MAGI2: variants seen among roughly 807,000 people sequenced by gnomAD.
MAGI2 encodes membrane associated guanylate kinase, WW and PDZ domain containing 2, also known as membrane-associated guanylate kinase, WW and PDZ domain-containing protein 2.
In MAGI2, 35 loss-of-function variants were observed where a neutral mutation model predicts 133.3. That is an observed-to-expected ratio of 0.26 (90% CI 0.20 to 0.35). The LOEUF (loss-of-function observed/expected upper bound fraction) is 0.35. Ranked by LOEUF, MAGI2 falls within the 10% of genes least tolerant of loss-of-function variation. MAGI2 has a pLI of 1.00. For missense variants in MAGI2, 1,636 were observed against 1,863.4 expected (o/e 0.88, Z 2.25); for synonymous variants, 729 against 710.6 (o/e 1.03, Z -0.41).
In MAGI2 at chr7:78,966,835, C is replaced by CT. The variant is rs34597215; in HGVS notation, c.418+40254dup. Among the ~76,000 whole-genome samples, 307 of 129,046 alleles carry CT rather than the reference C, an allele frequency of 2.4e-3. 2 individuals carry two copies. The highest frequency in any genetic ancestry group is 5.2e-3 in the East Asian group (23 of 4,400). 84.7% of individuals were successfully genotyped at this position (129,046 alleles called of 152,430 possible). ...TTTCTCCAGATCTTTGCCTACACGT[C>CT]TTTTTTTTTTTTTTTTTTTAGATAA... On this transcript the variant is annotated intron_variant, in intron 2 of 21. Transcript: ENST00000354212.
chr7:78,419,579 T>C (rs988294659), intron 6 of MAGI2, among the ~76,000 whole-genome samples: 4 of 143,472 alleles, frequency 2.8e-5, no homozygotes, highest in Non-Finnish European at 6.0e-5. Flanking sequence ...TCCCTGAGAC[T>C]GAGTCTGGGA....
chr7:78,784,826 T>C (rs1325633973), intron 2 of MAGI2, among the ~76,000 whole-genome samples: 2 of 152,266 alleles, frequency 1.3e-5, no homozygotes, highest in Non-Finnish European at 2.9e-5. Flanking sequence ...TCTGTTATGC[T>C]TTTCTCTTGT....
intron 1 of MAGI2, among the ~76,000 whole-genome samples, chr7:79,090,833 G>A (rs965237114): frequency 1.3e-5 from 2 of 152,088 alleles, no homozygotes; most frequent in African/African-American, 4.8e-5. Flanking sequence ...AAATTGTATT[G>A]AAGGTGAATT....
intron 4 of MAGI2, among the ~76,000 whole-genome samples, chr7:78,511,662 T>G (rs1795593253): frequency 6.7e-6 from 1 of 149,984 alleles, no homozygotes; most frequent in Non-Finnish European, 1.5e-5. Flanking sequence ...GCTCTAGCCA[T>G]CAAGTTAGCA....
intron 21 of MAGI2, among the ~76,000 whole-genome samples, chr7:78,054,558 G>A (rs1244774867): frequency 2.0e-5 from 3 of 150,132 alleles, no homozygotes; most frequent in Admixed American, 6.6e-5. Context: ...CTTATGTAAC[G>A]ATTATTTAAG....
intron 1 of MAGI2, among the ~76,000 whole-genome samples, chr7:79,336,037 C>T (rs143709475): frequency 6.6e-6 from 1 of 152,080 alleles, no homozygotes; most frequent in East Asian, 1.9e-4. Context: ...AATGAGTCTC[C>T]AAATCATTTA....
chr7:79,402,924 G>A (rs1293577758), intron 1 of MAGI2, among the ~76,000 whole-genome samples: 3 of 152,156 alleles, frequency 2.0e-5, no homozygotes, highest in Admixed American at 1.3e-4. Flanking sequence ...CCAGGCTACT[G>A]TGTGACCTTA....
intron 2 of MAGI2, among the ~76,000 whole-genome samples, chr7:78,711,194 ACATT>A (rs1415285432): frequency 6.6e-6 from 1 of 152,170 alleles, no homozygotes; most frequent in Non-Finnish European, 1.5e-5. Context: ...AACAAAGGAA[ACATT>A]CATTGTCTAT....
chr7:78,735,778 T>C (rs769445839), intron 2 of MAGI2, among the ~76,000 whole-genome samples: 4 of 152,336 alleles, frequency 2.6e-5, no homozygotes, highest in Admixed American at 6.5e-5. Context: ...GTCCCATACC[T>C]AAACCATACT....
At chr7:79,098,687 G>A (rs965847431) in intron 1 of MAGI2, among the ~76,000 whole-genome samples, 1 of 152,132 alleles carries the variant, frequency 6.6e-6, no homozygotes, top group Non-Finnish European at 1.5e-5. Context: ...TGTCAAGAAT[G>A]CTTGGGCCAG....
chr7:78,494,232 C>T (rs1017683932), intron 5 of MAGI2, among the ~76,000 whole-genome samples: 7 of 152,094 alleles, frequency 4.6e-5, no homozygotes, highest in Non-Finnish European at 7.4e-5. Context: ...ACTGGGATTA[C>T]AGGCATGAAC....
At chr7:78,868,764 T>TC (rs1794786186) in intron 2 of MAGI2, among the ~76,000 whole-genome samples, 2 of 151,388 alleles carry the variant, frequency 1.3e-5, no homozygotes, top group Non-Finnish European at 2.9e-5. Context: ...AATACATACT[T>TC]TTTTTTTGAG....
At chr7:78,047,922 C>T (rs1811599801) in intron 21 of MAGI2, among the ~76,000 whole-genome samples, 1 of 152,244 alleles carries the variant, frequency 6.6e-6, no homozygotes, top group Admixed American at 6.5e-5. Context: ...CAGATGCCGC[C>T]ATATTCTTGC....
chr7:79,405,015 T>C (rs1401195217), intron 1 of MAGI2, among the ~76,000 whole-genome samples: 1 of 151,994 alleles, frequency 6.6e-6, no homozygotes, highest in Non-Finnish European at 1.5e-5. Flanking sequence ...GAAGCCAGGA[T>C]AGGAAGGGAA....
intron 10 of MAGI2, among the ~76,000 whole-genome samples, chr7:78,226,268 A>T (rs1789369691): frequency 6.6e-6 from 1 of 151,652 alleles, no homozygotes; most frequent in Non-Finnish European, 1.5e-5. Context: ...ACCGGTGTGC[A>T]GTGCAGTTTA....
At chr7:78,514,931 C>T (rs1267007547) in intron 4 of MAGI2, among the ~76,000 whole-genome samples, 2 of 152,172 alleles carry the variant, frequency 1.3e-5, no homozygotes, top group Non-Finnish European at 2.9e-5. Flanking sequence ...GAAGGCAGCT[C>T]TGTGTACACA....
At chr7:79,349,867 G>A (rs1841578118) in intron 1 of MAGI2, among the ~76,000 whole-genome samples, 1 of 151,872 alleles carries the variant, frequency 6.6e-6, no homozygotes, top group South Asian at 2.1e-4. Flanking sequence ...GTGACCTTGG[G>A]CTAGGTGCTT....
intron 3 of MAGI2, among the ~76,000 whole-genome samples, chr7:78,547,853 T>C (rs756446711): frequency 2.6e-5 from 4 of 152,184 alleles, no homozygotes; most frequent in Non-Finnish European, 4.4e-5. Context: ...TAAAACAATA[T>C]TGAGTGAACT....
chr7:78,362,896 A>G (rs773545613), intron 7 of MAGI2, among the ~76,000 whole-genome samples: 2 of 152,186 alleles, frequency 1.3e-5, no homozygotes, highest in Non-Finnish European at 2.9e-5. Context: ...CATCGCTTCG[A>G]CCTTATCAGT....
Sources: allele counts gnomAD v4.1 joint callset (sites outside exome capture counted in the v4.1 genomes callset), GRCh38; gene constraint gnomAD v4.1.1; transcripts MANE v1.5; gene names NCBI Gene and HGNC (gene_info 2026-07-23, HGNC 2026-07-21).